COL18A1: variants seen among roughly 807,000 people sequenced by gnomAD.
The protein encoded by COL18A1 is collagen type XVIII alpha 1 chain.
COL18A1 carries 133 observed loss-of-function variants against 168.0 expected under a neutral mutation model. The observed-to-expected ratio is 0.79, with a 90% CI of 0.69 to 0.91. COL18A1 has a LOEUF of 0.91. COL18A1 is among the 40% of genes least tolerant of loss of function. The pLI is 0.00. For missense variants in COL18A1, 2,126 were observed against 1,925.4 expected (o/e 1.10, Z -1.95); for synonymous variants, 949 against 809.0 (o/e 1.17, Z -2.94).
chr21:45,434,891 G>A (rs141941393), intron 2 of COL18A1, among the ~76,000 whole-genome samples: 3,496 of 152,252 alleles, frequency 0.023, 58 homozygotes, highest in Middle Eastern at 0.061. Flanking sequence ...TTGAACAGCC[G>A]GTCCTAGACC....
intron 32 of COL18A1, chr21:45,502,857 C>G (rs1373307850): frequency 6.6e-6 from 1 of 152,200 alleles, no homozygotes; most frequent in Non-Finnish European, 1.5e-5. Flanking sequence ...TTTCTCAGCA[C>G]GTCTCCCACG....
In COL18A1 at chr21:45,482,827, A is replaced by G; in HGVS notation, c.1701+6A>G. ...CAGGCGCCCCAGGACATAAGGTACA[A>G]GCAGAATCCCTGGCACATCAGTCCC... is the stretch of plus-strand genomic sequence containing the variant. On this transcript the variant is annotated splice_donor_region_variant and intron_variant, in intron 15 of 41. Transcript: ENST00000651438. 1 of 1,614,174 alleles carries G rather than the reference A, an allele frequency of 6.2e-7. No homozygotes were observed.
In COL18A1 at chr21:45,509,615, C is replaced by G. The variant is rs191291169; in HGVS notation, c.3495+14C>G. The G allele has an allele frequency of 5.7e-3, 7,422 of 1,306,324 alleles. 50 individuals are homozygous for G. The highest frequency in any genetic ancestry group is 0.016 in the Middle Eastern group (77 of 4,958). 80.9% of individuals were successfully genotyped at this position (1,306,324 alleles called of 1,614,324 possible). On this transcript the variant is annotated intron_variant, in intron 39 of 41. Transcript: ENST00000651438. ...TTCCAGCCGGTGGTGAGTGCCCCCC[C>G]AAAGTGGGCTTGGCTCCATCTAGCC...
At chr21:45,407,217 G>C (rs2123490889) in intron 2 of COL18A1, among the ~76,000 whole-genome samples, 1 of 152,376 alleles carries the variant, frequency 6.6e-6, no homozygotes, top group Admixed American at 6.5e-5. Flanking sequence ...GAGCTAATGT[G>C]TCTGAAATGC....
Position 45,511,134 on chromosome 21 carries a change from G to C in COL18A1, c.3717G>C (p.Trp1239Cys). Reference sequence around the variant, plus strand: ...AGGACGAGCTGCTGTTTCCCAGCTGGGAGGCTCTGTTCTCAGGCTCTGAGG... The same window carrying C: ...AGGACGAGCTGCTGTTTCCCAGCTGCGAGGCTCTGTTCTCAGGCTCTGAGG... ...NLKDELLFPS[W>C]EALFSGSEGP... The change falls in exon 41 of 42, where the codon TGG becomes TGC. Residue 1239 changes from tryptophan (W) to cysteine (C), a missense_variant. By Grantham distance (215) the Trp-to-Cys change is radical. Coordinates refer to ENST00000651438, the MANE Select transcript of COL18A1 (RefSeq NM_001379500.1). The C allele has an allele frequency of 6.3e-7, 1 of 1,589,252 alleles. No homozygotes were observed. Among genetic ancestry groups the C allele is most frequent in the Non-Finnish European group, 8.6e-7 (1 of 1,167,914 alleles).
In COL18A1 at chr21:45,437,605, GACAC is replaced by G. The variant is rs779694158; in HGVS notation, c.107-30633_107-30630del. Reference sequence around the variant, plus strand: ...GTACACACACACACTCACACACTCAGACACACAGGCACTCTCCTGCACACACACT... The same window carrying G: ...GTACACACACACACTCACACACTCAGACAGGCACTCTCCTGCACACACACT... On this transcript the variant is annotated intron_variant, in intron 2 of 41. Coordinates refer to ENST00000651438, the MANE Select transcript of COL18A1 (RefSeq NM_001379500.1). Among the ~76,000 whole-genome samples the G allele has an allele frequency of 7.0e-4, 19 of 27,164 alleles. 3 individuals carry two copies. The highest frequency in any genetic ancestry group is 5.1e-3 in the African/African-American group (18 of 3,560). The allele number at this position is 27,164 out of a possible 152,430, so 17.8% of individuals were successfully genotyped here. A position where few individuals can be genotyped will look rare whatever the true frequency, so the allele number is the denominator to read the frequency against.
intron 2 of COL18A1, among the ~76,000 whole-genome samples, chr21:45,408,836 C>A (rs2033201497): frequency 6.6e-6 from 1 of 152,182 alleles, no homozygotes. Flanking sequence ...TGGAACTCTC[C>A]AGGTGAAGCC....
In COL18A1 at chr21:45,463,550, G is replaced by T. The variant is rs1186381107; in HGVS notation, c.107-4692G>T. On this transcript the variant is annotated intron_variant, in intron 2 of 41. Transcript: ENST00000651438. This position sits in a 1 kb window ranked among gnomAD's most constrained non-coding sequence, Gnocchi z 4.0. ...GATGGATTCCTGGCGCTTTCCATCT[G>T]CCATTTACCAGAGTACTCCAGAATC... Among the ~76,000 whole-genome samples, 1 of 152,202 alleles carries T rather than the reference G, an allele frequency of 6.6e-6. No homozygotes were observed. The highest frequency in any genetic ancestry group is 1.5e-5 in the Non-Finnish European group (1 of 68,032).
chr21:45,498,368 C>T lies in COL18A1; in HGVS notation c.2683+707C>T, dbSNP rs1354645560. ...CACCGCCAGGGTTCCCTCTCGCCAC[C>T]ACGGTCCCCTCTCGCCGCCAGGGTC... On this transcript the variant is annotated intron_variant, in intron 32 of 41. Transcript: ENST00000651438. This position sits in a 1 kb window ranked among gnomAD's most constrained non-coding sequence, Gnocchi z 4.5. 1 of 656,820 alleles carries T rather than the reference C, an allele frequency of 1.5e-6. No homozygotes were observed. Among genetic ancestry groups the T allele is most frequent in the Non-Finnish European group, 2.8e-6 (1 of 353,698 alleles). 40.7% of individuals were successfully genotyped at this position (656,820 alleles called of 1,614,324 possible).
In COL18A1 at chr21:45,447,993, A is replaced by G. The variant is rs73909551; in HGVS notation, c.107-20249A>G. Among the ~76,000 whole-genome samples, 825 of 152,282 alleles carry G rather than the reference A, an allele frequency of 5.4e-3. 12 individuals are homozygous for G. Among genetic ancestry groups the G allele is most frequent in the African/African-American group, 0.019 (798 of 41,558 alleles). On this transcript the variant is annotated intron_variant, in intron 2 of 41. Coordinates refer to ENST00000651438, the MANE Select transcript of COL18A1 (RefSeq NM_001379500.1). ...AACAAGGCTTTGAAGGCATGCAGGA[A>G]TAACACCCACACAGAGCCCCAGGGG...
At chr21:45,455,475 C>A (rs1456641585) in intron 2 of COL18A1, 5 of 1,604,130 alleles carry the variant, frequency 3.1e-6, no homozygotes, top group Non-Finnish European at 3.4e-6. Context: ...CTGGCTAGCC[C>A]CACCTCCAGG....
At position 45,473,877 on chromosome 21, in the gene COL18A1, TTCTC is replaced by T. The variant is rs767789338; in HGVS notation, c.652-16_652-13del. 6.9e-6 allele frequency: 11 copies of T among 1,583,994 alleles called. No homozygotes were observed. Among genetic ancestry groups the T allele is most frequent in the Non-Finnish European group, 9.4e-6 (11 of 1,165,226 alleles). ...CACCTCAGGACCGCTGGTGACCCCT[TTCTC>T]TGTCTGCATTTAGGGGGTGATCGCT... On this transcript the variant is annotated splice_polypyrimidine_tract_variant and intron_variant, in intron 3 of 41. Transcript: ENST00000651438. The surrounding 1 kb of genome is among the most constrained non-coding windows in gnomAD (Gnocchi z 4.0).
intron 14 of COL18A1, 114 bp downstream of exon 14, chr21:45,482,139 T>TCACAGCCC (rs1480227903): frequency 3.7e-6 from 3 of 809,076 alleles, no homozygotes; most frequent in Non-Finnish European, 6.3e-6. Context: ...TAGCCCCCCA[T>TCACAGCCC]CACAGCCCCA....
At chr21:45,421,670 C>T (rs773378540) in intron 2 of COL18A1, 2 of 493,856 alleles carry the variant, frequency 4.0e-6, no homozygotes, top group Non-Finnish European at 8.3e-6. Context: ...AGGAAGGAAG[C>T]TCACACTGTT....
chr21:45,495,744 A>C, intron 29 of COL18A1: 1 of 395,096 alleles, frequency 2.5e-6, no homozygotes, highest in South Asian at 2.1e-5. Flanking sequence ...ACACGTGCTC[A>C]TGTGTGTACA....
In COL18A1 at chr21:45,463,202, C is replaced by A. The variant is rs1258981088; in HGVS notation, c.107-5040C>A. ...GGAGTGTAAAACAATGGCCCCACCT[C>A]CCTGTCTGCACATCTGTGATCCCAG... is the stretch of plus-strand genomic sequence containing the variant. On this transcript the variant is annotated intron_variant, in intron 2 of 41. Coordinates refer to ENST00000651438, the MANE Select transcript of COL18A1 (RefSeq NM_001379500.1). The surrounding 1 kb of genome is among the most constrained non-coding windows in gnomAD (Gnocchi z 4.0). 1.3e-5 allele frequency among the ~76,000 whole-genome samples: 2 copies of A among 152,236 alleles called. No individual in the cohort carries two copies.
In COL18A1 at chr21:45,443,334, C is replaced by T. The variant is rs2034432416; in HGVS notation, c.107-24908C>T. Reference sequence around the variant, plus strand: ...CTGGCTGTGTGAGCCTGCCCTGGGGCCTTCCATGAGAAAACCCAGTTAAGG... The same window carrying T: ...CTGGCTGTGTGAGCCTGCCCTGGGGTCTTCCATGAGAAAACCCAGTTAAGG... On this transcript the variant is annotated intron_variant, in intron 2 of 41. Transcript: ENST00000651438. The surrounding 1 kb of genome is among the most constrained non-coding windows in gnomAD (Gnocchi z 5.2). Among the ~76,000 whole-genome samples, 1 of 152,164 alleles carries T rather than the reference C, an allele frequency of 6.6e-6. No individual in the cohort carries two copies. Among genetic ancestry groups the T allele is most frequent in the Admixed American group, 6.5e-5 (1 of 15,276 alleles).
Position 45,513,707 on chromosome 21 carries a change from A to T in COL18A1, c.*1309A>T, listed in dbSNP as rs2146170227. On this transcript the variant is annotated 3_prime_UTR_variant, in exon 42 of 42. Coordinates refer to ENST00000651438, the MANE Select transcript of COL18A1 (RefSeq NM_001379500.1). ...CAATTCAGACAGGCAAATAAAAGTG[A>T]CCTTTTACACTGACTCTTGGTTTGC... The T allele has an allele frequency of 6.6e-6, 1 of 152,274 alleles. No individual in the cohort carries two copies. The highest frequency in any genetic ancestry group is 2.1e-4 in the South Asian group (1 of 4,814). The allele number at this position is 152,274 out of a possible 1,614,324, so 9.4% of individuals were successfully genotyped here.
chr21:45,425,274 C>T lies in COL18A1; in HGVS notation c.106+19801C>T, dbSNP rs900218275. On this transcript the variant is annotated intron_variant, in intron 2 of 41. Coordinates refer to ENST00000651438, the MANE Select transcript of COL18A1 (RefSeq NM_001379500.1). This position sits in a 1 kb window ranked among gnomAD's most constrained non-coding sequence, Gnocchi z 4.1. Reference sequence around the variant, plus strand: ...TCCCCGGACACGCCTGTTGGAGCCCCGGCCGTGTGTGTGTGTGTGCTGTGA... The same window carrying T: ...TCCCCGGACACGCCTGTTGGAGCCCTGGCCGTGTGTGTGTGTGTGCTGTGA... Among the ~76,000 whole-genome samples the T allele has an allele frequency of 2.0e-5, 3 of 152,040 alleles. No homozygotes were observed. The highest frequency in any genetic ancestry group is 2.1e-4 in the South Asian group (1 of 4,818).
Sources: allele counts gnomAD v4.1 joint callset (sites outside exome capture counted in the v4.1 genomes callset), GRCh38; gene constraint gnomAD v4.1.1; non-coding constraint Gnocchi (gnomAD v3.1); transcripts MANE v1.5; gene names NCBI Gene and HGNC (gene_info 2026-07-23, HGNC 2026-07-21).